The following SPART variants were observed in gnomAD, a reference collection of about 807,000 sequenced individuals.
The protein encoded by SPART is spartin.
A neutral mutation model predicts 58.7 loss-of-function variants in SPART; 35 were observed. The observed-to-expected ratio is 0.60, with a 90% CI of 0.46 to 0.79. SPART has a LOEUF of 0.79. Ranked by LOEUF, SPART falls within the 30% of genes least tolerant of loss-of-function variation. The probability of loss-of-function intolerance (pLI) is 0.00; values close to 1 mark genes in which losing one functional copy is unlikely to be tolerated. For synonymous variants in SPART, 284 were observed against 280.7 expected (o/e 1.01, Z -0.12); for missense variants, 730 against 786.1 (o/e 0.93, Z 0.85).
rs536630521 is a variant in SPART, at chr13:36,306,914, A to G, written c.1734-2282T>C. On this transcript the variant is annotated intron_variant, in intron 8 of 8. Coordinates refer to ENST00000438666, the MANE Select transcript of SPART (RefSeq NM_015087.5). ...GTGAAAGCAGTTTTAAAATTCTAAAATACTAAACATGTATTTTTAAATATA... is the reference window on the plus strand; with the variant it reads ...GTGAAAGCAGTTTTAAAATTCTAAAGTACTAAACATGTATTTTTAAATATA... 5.3e-5 allele frequency among the ~76,000 whole-genome samples: 8 copies of G among 152,338 alleles called. 1 individual carries two copies. The South Asian group carries it at 1.7e-3, about 32-fold the overall frequency.
At chr13:36,343,749 T>C (rs1884789460) in intron 1 of SPART, among the ~76,000 whole-genome samples, 1 of 152,218 alleles carries the variant, frequency 6.6e-6, no homozygotes, top group South Asian at 2.1e-4. Flanking sequence ...CCTTCTAAGG[T>C]TATCCAATCC....
chr13:36,331,624 A>G, intron 2 of SPART, 28 bp from the exon 3 acceptor site: 1 of 1,471,344 alleles, frequency 6.8e-7, no homozygotes, highest in Non-Finnish European at 9.4e-7. Flanking sequence ...AAGAAAAAAA[A>G]TATACATATA....
intron 5 of SPART, among the ~76,000 whole-genome samples, chr13:36,318,667 C>A (rs1343401005): frequency 6.6e-6 from 1 of 152,192 alleles, no homozygotes; most frequent in African/African-American, 2.4e-5. Context: ...ACGCCTGAAC[C>A]GCAGTGGCCA....
At chr13:36,340,898 ATG>A (rs1469939439) in intron 1 of SPART, among the ~76,000 whole-genome samples, 2 of 152,244 alleles carry the variant, frequency 1.3e-5, no homozygotes, top group East Asian at 3.8e-4. Flanking sequence ...AATGTACTAA[ATG>A]TTTCAGTTTT....
upstream of SPART, among the ~76,000 whole-genome samples, chr13:36,349,347 G>T (rs926267126): frequency 6.6e-6 from 1 of 152,194 alleles, no homozygotes; most frequent in African/African-American, 2.4e-5. Flanking sequence ...AAGCTTCCAC[G>T]TATGGTTAAG....
intron 5 of SPART, among the ~76,000 whole-genome samples, chr13:36,321,506 T>C (rs1882387974): frequency 6.6e-6 from 1 of 152,032 alleles, no homozygotes; most frequent in African/African-American, 2.4e-5. Flanking sequence ...TCACCAATCA[T>C]TCTACACGAC....
Position 36,367,812 on chromosome 13 carries a change from G to A in SPART, c.-3+2277C>T, listed in dbSNP as rs181054805. Among the ~76,000 whole-genome samples the A allele has an allele frequency of 2.0e-5, 3 of 152,198 alleles. No homozygotes were observed. The East Asian group carries it at 5.8e-4, about 29-fold the overall frequency. On this transcript the variant is annotated intron_variant, in intron 1 of 8. Transcript: ENST00000355182. ...TGATGATTCAGTCATCTGGCACAGCGTCCTCTAGTTCAATTAAAATATGTC... is the reference window on the plus strand; with the variant it reads ...TGATGATTCAGTCATCTGGCACAGCATCCTCTAGTTCAATTAAAATATGTC...
At chr13:36,345,048 C>CA (rs1467985203) in intron 1 of SPART, among the ~76,000 whole-genome samples, 3 of 152,166 alleles carry the variant, frequency 2.0e-5, no homozygotes, top group African/African-American at 7.2e-5. Flanking sequence ...AAAGAAGTAA[C>CA]ACTCTCACTT....
chr13:36,331,565 T>C lies in SPART; in HGVS notation c.842A>G (p.Asp281Gly). The change falls in exon 3 of 9, where the codon GAT becomes GGT. Residue 281 changes from aspartate to glycine, a missense_variant. Physicochemically the swap from Asp to Gly is moderately conservative, Grantham distance 94 (BLOSUM62 -1). Coordinates refer to ENST00000438666, the MANE Select transcript of SPART (RefSeq NM_015087.5). ...VCDWLYPLVPDRSPVLKCTAG... is the reference protein window; with the variant it reads ...VCDWLYPLVPGRSPVLKCTAG... ...AGTACATTTCAGAACCGGAGATCTA[T>C]CAGGAACTAGAGGATATAACCAGTC... 1 of 1,613,940 alleles carries C rather than the reference T, an allele frequency of 6.2e-7. No individual in the cohort carries two copies. The highest frequency in any genetic ancestry group is 8.5e-7 in the Non-Finnish European group (1 of 1,179,978).
Position 36,359,932 on chromosome 13 carries a change from A to AAAAC in SPART, c.-3+10156_-3+10157insGTTT, listed in dbSNP as rs1555266107. Among the ~76,000 whole-genome samples, 10 of 151,114 alleles carry AAAAC rather than the reference A, an allele frequency of 6.6e-5. No homozygotes were observed. The South Asian group carries it at 1.0e-3, about 16-fold the overall frequency. ...TAAGAGGTTGTTAATTTAAAAAAAA[A>AAAAC]AAAAAAAAAACACCTCTTTGAACAT... On this transcript the variant is annotated intron_variant, in intron 1 of 8. Coordinates refer to the SPART transcript ENST00000355182.
Position 36,334,964 on chromosome 13 carries a change from A to G in SPART, c.810+57T>C. 4.3e-6 allele frequency: 6 copies of G among 1,395,732 alleles called. No homozygotes were observed. The South Asian group carries it at 4.7e-5, about 11-fold the overall frequency. 86.5% of individuals were successfully genotyped at this position (1,395,732 alleles called of 1,614,324 possible). On this transcript the variant is annotated intron_variant, in intron 2 of 8. Transcript: ENST00000438666. ...ACTGGACACATAAACATTAACAAAT[A>G]AAAATGATGTAGTCTACACGTATTT...
intron 6 of SPART, 32 bp downstream of exon 6, chr13:36,314,195 T>G (rs1881427356): frequency 6.2e-7 from 1 of 1,601,338 alleles, no homozygotes; most frequent in Non-Finnish European, 8.5e-7. Context: ...AAATATAACT[T>G]TAAAAAGTAA....
rs546322483 is a variant in SPART at position 36,367,756 on chromosome 13, A to G, written c.-3+2333T>C. Reference sequence around the variant, plus strand: ...CAAGTGAGCGGGAAGCAGGGCTTCTATTCACAGGTGATATCTCCTCACTCA... The same window carrying G: ...CAAGTGAGCGGGAAGCAGGGCTTCTGTTCACAGGTGATATCTCCTCACTCA... On this transcript the variant is annotated intron_variant, in intron 1 of 8. Coordinates refer to the SPART transcript ENST00000355182. Among the ~76,000 whole-genome samples, 3 of 152,308 alleles carry G rather than the reference A, an allele frequency of 2.0e-5. No individual in the cohort carries two copies. In the East Asian group the frequency reaches 5.8e-4, roughly 29 times the overall value.
chr13:36,314,440 A>G lies in SPART; in HGVS notation c.1289-19T>C, dbSNP rs866967426. The G allele has an allele frequency of 1.2e-6, 2 of 1,610,310 alleles. No individual in the cohort carries two copies. The highest frequency in any genetic ancestry group is 1.7e-4 in the Middle Eastern group (1 of 6,052). On this transcript the variant is annotated intron_variant, in intron 5 of 8. Transcript: ENST00000438666. ...GAAGCACCTTTTTAAAAGAAAATTT[A>G]AAATTGCACAATATTAGGGCTAATT... is the stretch of plus-strand genomic sequence containing the variant.
intron 6 of SPART, among the ~76,000 whole-genome samples, chr13:36,313,088 GT>G (rs1230632613): frequency 6.6e-5 from 10 of 151,998 alleles, no homozygotes; most frequent in Admixed American, 2.6e-4. Context: ...CCAAATTTCA[GT>G]GCTGTGATTC....
At chr13:36,354,157 T>C (rs1480147178) in intron 1 of SPART, among the ~76,000 whole-genome samples, 1 of 152,224 alleles carries the variant, frequency 6.6e-6, no homozygotes, top group African/African-American at 2.4e-5. Flanking sequence ...TGATTAACAA[T>C]AGCTATTTGA....
Position 36,331,572 on chromosome 13 carries a change from C to T in SPART, c.835G>A (p.Val279Ile). 6.2e-7 allele frequency: 1 copy of T among 1,613,568 alleles called. No homozygotes were observed. Among genetic ancestry groups the T allele is most frequent in the Non-Finnish European group, 8.5e-7 (1 of 1,179,888 alleles). Residue 279 changes from valine (V) to isoleucine (I), a missense_variant, in exon 3 of 9, where the codon GTT becomes ATT. Transcript: ENST00000438666. Reference sequence around the variant, plus strand: ...TTCAGAACCGGAGATCTATCAGGAACTAGAGGATATAACCAGTCACAAACC... The same window carrying T: ...TTCAGAACCGGAGATCTATCAGGAATTAGAGGATATAACCAGTCACAAACC... ...LQVCDWLYPLVPDRSPVLKCT... is the reference protein window; with the variant it reads ...LQVCDWLYPLIPDRSPVLKCT...
chr13:36,316,269 G>A (rs1349473834), intron 5 of SPART, among the ~76,000 whole-genome samples: 1 of 152,220 alleles, frequency 6.6e-6, no homozygotes, highest in Non-Finnish European at 1.5e-5. Flanking sequence ...ATTTACAGTT[G>A]TTATTAAAAA....
upstream of SPART, among the ~76,000 whole-genome samples, chr13:36,350,855 G>A (rs1353769174): frequency 6.6e-6 from 1 of 152,100 alleles, no homozygotes; most frequent in African/African-American, 2.4e-5. Flanking sequence ...GAAAGGAGGA[G>A]TAGGAAAAAA....
Sources: allele counts gnomAD v4.1 joint callset (sites outside exome capture counted in the v4.1 genomes callset), GRCh38; gene constraint gnomAD v4.1.1; transcripts MANE v1.5; gene names NCBI Gene and HGNC (gene_info 2026-07-23, HGNC 2026-07-21).